The following TCF7L2 variants were observed in gnomAD, a reference collection of about 807,000 sequenced individuals.
TCF7L2 encodes the protein transcription factor 7 like 2.
In TCF7L2, 23 loss-of-function variants were observed where a neutral mutation model predicts 77.9. The observed-to-expected ratio is 0.30, with a 90% CI of 0.21 to 0.42. The LOEUF (loss-of-function observed/expected upper bound fraction) is 0.42. TCF7L2 is among the 10% of genes least tolerant of loss of function. The pLI, the probability that TCF7L2 is intolerant of heterozygous loss-of-function variation, is 1.00. For missense variants in TCF7L2, 654 were observed against 793.1 expected (o/e 0.82, Z 2.11); for synonymous variants, 413 against 340.2 (o/e 1.21, Z -2.36).
intron 5 of TCF7L2, among the ~76,000 whole-genome samples, chr10:113,087,287 C>T (rs949677407): frequency 3.3e-5 from 5 of 152,184 alleles, no homozygotes; most frequent in Admixed American, 1.3e-4. Context: ...TCTGTGGCAA[C>T]CATGGATACA....
In TCF7L2 at chr10:113,151,317, C is replaced by T. The variant is rs2070710959; in HGVS notation, c.1001+194C>T. The stretch of plus-strand genomic sequence containing the variant: ...ACAGTGGCAGAATCTCACTGTACCA[C>T]CGTGGGTTAGAACAGAACTGTTTTT... On this transcript the variant is annotated intron_variant, in intron 9 of 13. Transcript: ENST00000627217. This position sits in a 1 kb window ranked among gnomAD's most constrained non-coding sequence, Gnocchi z 5.2. 6.6e-6 allele frequency among the ~76,000 whole-genome samples: 1 copy of T among 152,106 alleles called. No homozygotes were observed. Among genetic ancestry groups the T allele is most frequent in the African/African-American group, 2.4e-5 (1 of 41,416 alleles).
intron 4 of TCF7L2, among the ~76,000 whole-genome samples, chr10:113,038,028 G>C (rs1042707105): frequency 2.6e-5 from 4 of 152,170 alleles, no homozygotes; most frequent in African/African-American, 9.7e-5. Flanking sequence ...TCTGGCCTGG[G>C]TTACAGATGG....
chr10:113,151,888 G>C lies in TCF7L2; in HGVS notation c.1161+4G>C, dbSNP rs2137155854. On this transcript the variant is annotated splice_donor_region_variant and intron_variant, in intron 10 of 13. Coordinates refer to ENST00000627217, the MANE Select transcript of TCF7L2 (RefSeq NM_001146274.2). This position sits in a 1 kb window ranked among gnomAD's most constrained non-coding sequence, Gnocchi z 5.2. ...CAACCAGATCCTTGGGCGGAGGGTAGGTGACGCCCTTCTCAGGGAGAAGCG... is the reference window on the plus strand; with the variant it reads ...CAACCAGATCCTTGGGCGGAGGGTACGTGACGCCCTTCTCAGGGAGAAGCG... 1 of 1,594,132 alleles carries C rather than the reference G, an allele frequency of 6.3e-7. No homozygotes were observed. Among genetic ancestry groups the C allele is most frequent in the South Asian group, 1.1e-5 (1 of 86,984 alleles).
At chr10:112,997,936 G>A (rs2043787465) in intron 4 of TCF7L2, among the ~76,000 whole-genome samples, 1 of 152,096 alleles carries the variant, frequency 6.6e-6, no homozygotes, top group African/African-American at 2.4e-5. Context: ...AAATTTCTAA[G>A]TGTATTACAA....
chr10:113,091,275 C>A (rs1050699139), intron 5 of TCF7L2, among the ~76,000 whole-genome samples: 2 of 152,172 alleles, frequency 1.3e-5, no homozygotes, highest in East Asian at 3.9e-4. Flanking sequence ...AAGCGTTTCG[C>A]AAAATTGGTA....
chr10:113,110,369 G>GT (rs55993335), intron 5 of TCF7L2, among the ~76,000 whole-genome samples: 20,344 of 126,078 alleles, frequency 0.16, 1,665 homozygotes, highest in Middle Eastern at 0.25. Flanking sequence ...GTCTACTGGG[G>GT]TTTTTTTTTT....
chr10:113,079,571 T>C (rs1476810229), intron 5 of TCF7L2, among the ~76,000 whole-genome samples: 1 of 152,176 alleles, frequency 6.6e-6, no homozygotes, highest in Non-Finnish European at 1.5e-5. Flanking sequence ...CAACAATCTT[T>C]AAGAGATCCC....
intron 5 of TCF7L2, among the ~76,000 whole-genome samples, chr10:113,098,768 T>C (rs189059379): frequency 6.6e-6 from 1 of 152,354 alleles, no homozygotes; most frequent in Admixed American, 6.5e-5. Flanking sequence ...GACTTTTTCT[T>C]TTGGTCTCCT....
intron 5 of TCF7L2, among the ~76,000 whole-genome samples, chr10:113,124,543 C>G (rs1442217054): frequency 1.3e-5 from 2 of 151,990 alleles, no homozygotes; most frequent in Non-Finnish European, 2.9e-5. Context: ...CCTAAAACAT[C>G]TAAGAAATCG....
At chr10:113,137,495 C>T (rs1180023916) in intron 5 of TCF7L2, among the ~76,000 whole-genome samples, 1 of 152,132 alleles carries the variant, frequency 6.6e-6, no homozygotes, top group East Asian at 1.9e-4. Context: ...GAACAGCCAA[C>T]CTGGTGAGGA....
At chr10:113,012,857 T>G (rs1304248889) in intron 4 of TCF7L2, among the ~76,000 whole-genome samples, 1 of 152,222 alleles carries the variant, frequency 6.6e-6, no homozygotes, top group African/African-American at 2.4e-5. Flanking sequence ...TGATTAATTT[T>G]GACTGATTTG....
intron 5 of TCF7L2, among the ~76,000 whole-genome samples, chr10:113,056,072 C>T (rs115081960): frequency 5.1e-4 from 77 of 152,304 alleles, no homozygotes; most frequent in African/African-American, 1.9e-3. Flanking sequence ...ATAAATAATT[C>T]TTGGTCACAT....
Position 112,964,584 on chromosome 10 carries a change from A to G in TCF7L2, c.410A>G (p.Tyr137Cys). Residue 137 changes from tyrosine to cysteine, a missense_variant, in exon 4 of 14, where the codon TAC becomes TGC. By Grantham distance (194) the Tyr-to-Cys change is radical. Coordinates refer to ENST00000627217, the MANE Select transcript of TCF7L2 (RefSeq NM_001146274.2). Reference sequence around the variant, plus strand: ...CATTTTCAGTCCGGCAGCACACATTACTCTGCGTACAAAACGATTGAACAC... The same window carrying G: ...CATTTTCAGTCCGGCAGCACACATTGCTCTGCGTACAAAACGATTGAACAC... 6.2e-7 allele frequency: 1 copy of G among 1,613,444 alleles called. No homozygotes were observed. Among genetic ancestry groups the G allele is most frequent in the East Asian group, 2.2e-5 (1 of 44,840 alleles).
chr10:112,951,484 G>A lies in TCF7L2; in HGVS notation c.258G>A (p.Ala86=). ...CCCCTCGCCGCCCCGCCATGTTAGC[G>A]GCCAAGAGGCAAGATGGAGGGCTCT... The change falls in exon 3 of 14, where the codon GCG becomes GCA. Residue 86 remains alanine (A), a splice_region_variant and synonymous_variant. Transcript: ENST00000627217. 7.0e-7 allele frequency: 1 copy of A among 1,426,928 alleles called. No homozygotes were observed. Among genetic ancestry groups the A allele is most frequent in the Non-Finnish European group, 9.4e-7 (1 of 1,067,546 alleles). 88.4% of individuals were successfully genotyped at this position (1,426,928 alleles called of 1,614,324 possible).
At chr10:113,090,243 T>A (rs1212344692) in intron 5 of TCF7L2, among the ~76,000 whole-genome samples, 3 of 152,014 alleles carry the variant, frequency 2.0e-5, no homozygotes, top group Non-Finnish European at 4.4e-5. Flanking sequence ...AGATGAAAAA[T>A]TTTCAAGGAA....
intron 5 of TCF7L2, among the ~76,000 whole-genome samples, chr10:113,065,819 G>A (rs368469644): frequency 2.0e-5 from 3 of 152,200 alleles, no homozygotes; most frequent in East Asian, 1.9e-4. Context: ...GGTGGTCTGA[G>A]GGATATAGAA....
intron 4 of TCF7L2, among the ~76,000 whole-genome samples, chr10:113,023,397 C>T (rs2048551860): frequency 6.6e-6 from 1 of 152,180 alleles, no homozygotes; most frequent in Non-Finnish European, 1.5e-5. Flanking sequence ...GTTTAATTCT[C>T]AAGGCAAAGC....
chr10:112,972,935 G>T (rs1004724989), intron 4 of TCF7L2, among the ~76,000 whole-genome samples: 1 of 152,216 alleles, frequency 6.6e-6, no homozygotes, highest in African/African-American at 2.4e-5. Context: ...TGTGACTAGA[G>T]AGAGATTGTC....
chr10:113,050,726 CA>C (rs2054278258), intron 5 of TCF7L2, among the ~76,000 whole-genome samples: 1 of 152,128 alleles, frequency 6.6e-6, no homozygotes, highest in Non-Finnish European at 1.5e-5. Context: ...GTGACCAAGG[CA>C]AGACATTGTC....
Sources: gnomAD v4.1 joint callset for allele counts (sites outside exome capture counted in the v4.1 genomes callset) on GRCh38, gnomAD v4.1.1 for gene constraint, Gnocchi (gnomAD v3.1) non-coding constraint, MANE v1.5 for transcripts, NCBI Gene and HGNC (gene_info 2026-07-23, HGNC 2026-07-21) for gene names.